The following MTERF4 variants were observed in gnomAD, a reference collection of about 807,000 sequenced individuals.
MTERF4 encodes the protein mitochondrial transcription termination factor 4, also known as transcription termination factor 4, mitochondrial.
A neutral mutation model predicts 22.5 loss-of-function variants in MTERF4; 17 were observed. That is an observed-to-expected ratio of 0.75 (90% CI 0.52 to 1.13). The LOEUF (loss-of-function observed/expected upper bound fraction) is 1.13, where lower values mean the gene tolerates loss of function less well. Among genes scored for constraint, MTERF4 ranks in the 50% most tolerant of loss-of-function variants. The pLI is 0.00. For missense variants in MTERF4, 420 were observed against 466.8 expected (o/e 0.90, Z 0.92); for synonymous variants, 165 against 175.3 (o/e 0.94, Z 0.47).
At chr2:241,080,396 T>G (rs984766617) in intron 4 of MTERF4, among the ~76,000 whole-genome samples, 2 of 152,264 alleles carry the variant, frequency 1.3e-5, no homozygotes, top group African/African-American at 4.8e-5. Context: ...TTTCTAGTTC[T>G]GTTCATTGAA....
chr2:241,076,877 G>A (rs1387935676), intron 4 of MTERF4, among the ~76,000 whole-genome samples: 2 of 152,188 alleles, frequency 1.3e-5, no homozygotes. Flanking sequence ...GGATCACCAG[G>A]TCAGGAGATC....
downstream of MTERF4, chr2:241,088,889 G>A (rs1273751836): frequency 5.0e-6 from 1 of 200,140 alleles, no homozygotes; most frequent in Non-Finnish European, 1.0e-5. Flanking sequence ...GGAACTAAAA[G>A]TGGGGCAGGG....
At chr2:241,052,948 C>T in the MTERF4 span, among the ~76,000 whole-genome samples, 1 of 152,116 alleles carries the variant, frequency 6.6e-6, no homozygotes, top group African/African-American at 2.4e-5. Context: ...TTGCTAATCC[C>T]TGCAGAGCTG....
chr2:241,063,383 G>C, the MTERF4 span: 2 of 600,540 alleles, frequency 3.3e-6, no homozygotes, highest in Middle Eastern at 5.2e-4. Flanking sequence ...TGGAGGTGGG[G>C]CTTTGCCAGC....
Position 241,073,325 on chromosome 2 carries a change from G to A in MTERF4, n.2837C>T. The stretch of plus-strand genomic sequence containing the variant: ...GGAAGCCCCCAAGCGGGTCAGCCTG[G>A]CCCTCCAGCTCCCTGAACACGGCAG... On this transcript the variant is annotated non_coding_transcript_exon_variant, in exon 5 of 5. Coordinates refer to the MTERF4 transcript ENST00000464344. The surrounding 1 kb of genome is among the most constrained non-coding windows in gnomAD (Gnocchi z 6.6). 6.4e-7 allele frequency: 1 copy of A among 1,574,464 alleles called. No individual in the cohort carries two copies. The highest frequency in any genetic ancestry group is 8.6e-7 in the Non-Finnish European group (1 of 1,161,212).
At chr2:241,061,765 G>C in the MTERF4 span, among the ~76,000 whole-genome samples, 1 of 150,954 alleles carries the variant, frequency 6.6e-6, no homozygotes, top group Middle Eastern at 3.4e-3. Flanking sequence ...GGCGCCTTTA[G>C]TCCCAGCTAC....
the MTERF4 span, among the ~76,000 whole-genome samples, chr2:241,042,948 C>T: frequency 0.17 from 25,474 of 151,430 alleles, 2,413 homozygotes; most frequent in East Asian, 0.26. Context: ...CTGGGATCCA[C>T]GTATTTGGAG....
chr2:241,063,220 G>C, the MTERF4 span, among the ~76,000 whole-genome samples: 1 of 152,324 alleles, frequency 6.6e-6, no homozygotes, highest in African/African-American at 2.4e-5. Context: ...GGGAGGGGAG[G>C]CCTGCCCCAT....
downstream of MTERF4, among the ~76,000 whole-genome samples, chr2:241,082,687 T>C (rs550661163): frequency 5.3e-5 from 8 of 152,254 alleles, no homozygotes; most frequent in South Asian, 1.7e-3. Flanking sequence ...GTGACCTTCC[T>C]CTCTTCTCTT....
intron 4 of MTERF4, chr2:241,081,934 C>G (rs765623547): frequency 3.8e-5 from 25 of 666,568 alleles, no homozygotes; most frequent in Non-Finnish European, 5.8e-5. Flanking sequence ...ACGGGGCTGA[C>G]CCCTGAGCCC....
chr2:241,098,480 C>T (rs74000382), intron 2 of MTERF4, among the ~76,000 whole-genome samples: 1 of 152,074 alleles, frequency 6.6e-6, no homozygotes, highest in Admixed American at 6.5e-5. Flanking sequence ...TCCTTGGAGA[C>T]CCCCAACTCC....
rs754090702 is a variant in MTERF4 at position 241,073,425 on chromosome 2, G to A, written n.2737C>T. 2 of 1,406,794 alleles carry A rather than the reference G, an allele frequency of 1.4e-6. No individual in the cohort carries two copies. The highest frequency in any genetic ancestry group is 1.2e-5 in the South Asian group (1 of 81,228). The allele number at this position is 1,406,794 out of a possible 1,614,324, so 87.1% of individuals were successfully genotyped here. A position where few individuals can be genotyped will look rare whatever the true frequency, so the allele number is the denominator to read the frequency against. On this transcript the variant is annotated non_coding_transcript_exon_variant, in exon 5 of 5. Coordinates refer to the MTERF4 transcript ENST00000464344. The surrounding 1 kb of genome is among the most constrained non-coding windows in gnomAD (Gnocchi z 6.6). ...ACTGACTGCTCTCAGGGGCCTTAGA[G>A]GCTGCAGGCAGGAGGGACCACCCAC... is the stretch of plus-strand genomic sequence containing the variant.
intron 4 of MTERF4, among the ~76,000 whole-genome samples, chr2:241,080,544 A>G (rs1022485101): frequency 3.9e-5 from 6 of 152,214 alleles, no homozygotes; most frequent in African/African-American, 1.4e-4. Context: ...TGTGGACAAA[A>G]TAAGCCCAGG....
At chr2:241,048,112 G>C in the MTERF4 span, among the ~76,000 whole-genome samples, 2 of 152,248 alleles carry the variant, frequency 1.3e-5, no homozygotes, top group Non-Finnish European at 2.9e-5. Context: ...TTCTTGTTCT[G>C]TCGAGGAAGG....
chr2:241,085,579 A>G (rs756122413), downstream of MTERF4, among the ~76,000 whole-genome samples: 4 of 151,958 alleles, frequency 2.6e-5, no homozygotes, highest in African/African-American at 4.8e-5. Context: ...GTCTTATTCT[A>G]TTTGATTATT....
chr2:241,045,167 A>G, the MTERF4 span, among the ~76,000 whole-genome samples: 1 of 152,242 alleles, frequency 6.6e-6, no homozygotes, highest in Non-Finnish European at 1.5e-5. Context: ...GATCAAGTAA[A>G]TGGACAGACA....
chr2:241,071,458 GC>G (rs777353933), downstream of MTERF4: 2 of 1,219,904 alleles, frequency 1.6e-6, no homozygotes, highest in African/African-American at 1.5e-5. Context: ...CCACGCACAT[GC>G]CCCCCTTCCC....
intron 4 of MTERF4, among the ~76,000 whole-genome samples, chr2:241,081,965 C>A (rs947982288): frequency 1.3e-5 from 2 of 152,200 alleles, no homozygotes; most frequent in Admixed American, 1.3e-4. Context: ...CGCTGCTGCC[C>A]CAAGCACCAG....
At chr2:241,092,244 C>T (rs1209819282), downstream of MTERF4, 1 of 152,184 alleles carries the variant, frequency 6.6e-6, no homozygotes, top group Non-Finnish European at 1.5e-5. The surrounding 1 kb of genome is among the most constrained non-coding windows in gnomAD (Gnocchi z 4.6). Context: ...CTAGTTAACA[C>T]TAAGGTGGAG....
Sources: allele counts gnomAD v4.1 joint callset (sites outside exome capture counted in the v4.1 genomes callset), GRCh38; gene constraint gnomAD v4.1.1; non-coding constraint Gnocchi (gnomAD v3.1); transcripts MANE v1.5; gene names NCBI Gene and HGNC (gene_info 2026-07-23, HGNC 2026-07-21).